The following USH2A variants were observed in gnomAD, a reference collection of about 807,000 sequenced individuals.
USH2A encodes the protein usherin, also known as Usher syndrome 2A (autosomal recessive, mild).
In USH2A, 443 loss-of-function variants were observed where a neutral mutation model predicts 538.9. The observed-to-expected ratio is 0.82, with a 90% CI of 0.76 to 0.89. USH2A has a LOEUF of 0.89. USH2A is among the 40% of genes least tolerant of loss of function. USH2A has a pLI of 0.00. For synonymous variants in USH2A, 2,413 were observed against 2,273.5 expected, an observed-to-expected ratio of 1.06 and a Z score of -1.75; for missense variants, 6,633 against 6,324.8, an observed-to-expected ratio of 1.05 and a Z score of -1.65.
chr1:216,002,723 T>C (rs1176649507), intron 32 of USH2A, among the ~76,000 whole-genome samples: 1 of 152,104 alleles, frequency 6.6e-6, no homozygotes, highest in Admixed American at 6.6e-5. Flanking sequence ...CTTTCTTACA[T>C]TCTACTTTGC....
At chr1:215,855,436 C>T (rs1048047749) in intron 44 of USH2A, among the ~76,000 whole-genome samples, 6 of 152,076 alleles carry the variant, frequency 3.9e-5, no homozygotes, top group Non-Finnish European at 7.4e-5. Context: ...AGGAATCTAC[C>T]TAACCAAGGA....
chr1:216,164,387 A>G (rs956717610), intron 21 of USH2A, among the ~76,000 whole-genome samples: 15 of 152,142 alleles, frequency 9.9e-5, no homozygotes, highest in African/African-American at 3.6e-4. Context: ...CTCTGACTTG[A>G]AAACTATTGA....
intron 21 of USH2A, among the ~76,000 whole-genome samples, chr1:216,162,080 C>A (rs1174007549): frequency 6.6e-6 from 1 of 151,922 alleles, no homozygotes; most frequent in Non-Finnish European, 1.5e-5. Context: ...TATGTGTGAA[C>A]TTATTTTTCA....
At chr1:215,694,270 A>G (rs1443266926) in intron 61 of USH2A, among the ~76,000 whole-genome samples, 1 of 152,176 alleles carries the variant, frequency 6.6e-6, no homozygotes, top group Non-Finnish European at 1.5e-5. Flanking sequence ...TATTTGTTGA[A>G]AACAAGACAT....
At chr1:216,196,459 G>A in intron 19 of USH2A, 94 bp downstream of exon 19, 1 of 1,411,520 alleles carries the variant, frequency 7.1e-7, no homozygotes, top group Non-Finnish European at 1.0e-6. Context: ...CAATATAGAG[G>A]GAGAATTCTG....
At chr1:215,948,935 A>G (rs1358175698) in intron 37 of USH2A, among the ~76,000 whole-genome samples, 1 of 152,114 alleles carries the variant, frequency 6.6e-6, no homozygotes, top group Non-Finnish European at 1.5e-5. Context: ...CAGAACTTGA[A>G]TTACAGCTCT....
chr1:215,811,308 A>C (rs1420905653), intron 49 of USH2A, among the ~76,000 whole-genome samples: 2 of 152,216 alleles, frequency 1.3e-5, no homozygotes, highest in Admixed American at 6.5e-5. Context: ...ATGGCACCAG[A>C]GGCCACATGA....
intron 3 of USH2A, among the ~76,000 whole-genome samples, chr1:216,393,883 T>C (rs571480263): frequency 6.6e-6 from 1 of 152,266 alleles, no homozygotes; most frequent in East Asian, 1.9e-4. Flanking sequence ...GGAAAATATT[T>C]GCAAAACAGA....
chr1:216,258,860 ACTC>A (rs560976865), intron 11 of USH2A, among the ~76,000 whole-genome samples: 3 of 152,182 alleles, frequency 2.0e-5, no homozygotes, highest in African/African-American at 7.2e-5. Flanking sequence ...ACAACTATAA[ACTC>A]AATTTAAGAG....
At chr1:216,386,921 G>A (rs1176107994) in intron 3 of USH2A, among the ~76,000 whole-genome samples, 1 of 152,152 alleles carries the variant, frequency 6.6e-6, no homozygotes, top group African/African-American at 2.4e-5. Flanking sequence ...TTTCAGTGAA[G>A]AGCTTAAGCA....
intron 32 of USH2A, among the ~76,000 whole-genome samples, chr1:216,031,595 A>G (rs1030644057): frequency 6.6e-6 from 1 of 152,190 alleles, no homozygotes; most frequent in Non-Finnish European, 1.5e-5. Context: ...ACAGCTACAC[A>G]GACTCAGTCT....
At chr1:215,704,767 T>A (rs1247104876) in intron 61 of USH2A, among the ~76,000 whole-genome samples, 1 of 152,234 alleles carries the variant, frequency 6.6e-6, no homozygotes, top group Non-Finnish European at 1.5e-5. Context: ...TGTATTTCCA[T>A]CCTTGAAAAT....
At chr1:216,097,735 G>A (rs563941155) in intron 21 of USH2A, among the ~76,000 whole-genome samples, 1 of 152,216 alleles carries the variant, frequency 6.6e-6, no homozygotes, top group East Asian at 1.9e-4. Context: ...AGAATTTTGG[G>A]ATCTTTACTG....
chr1:215,938,243 A>T (rs1666555748), intron 37 of USH2A, among the ~76,000 whole-genome samples: 1 of 152,144 alleles, frequency 6.6e-6, no homozygotes. Flanking sequence ...ATACAGTTCA[A>T]TTCACAGACC....
Position 215,993,291 on chromosome 1 carries a change from A to C in USH2A, c.6658-124T>G. ...TATATAGTGCTACCTTTACTTCCCC[A>C]AAATAAATTCATTTCAGTGTTAAGA... On this transcript the variant is annotated intron_variant, in intron 34 of 71. Coordinates refer to ENST00000307340, the MANE Select transcript of USH2A (RefSeq NM_206933.4). 2.8e-6 allele frequency: 4 copies of C among 1,413,322 alleles called. No homozygotes were observed. The South Asian group carries it at 3.5e-5, about 13-fold the overall frequency. The allele number at this position is 1,413,322 out of a possible 1,614,324, so 87.5% of individuals were successfully genotyped here. A position where few individuals can be genotyped will look rare whatever the true frequency, so the allele number is the denominator to read the frequency against.
chr1:215,707,376 C>T (rs1487226538), intron 61 of USH2A, among the ~76,000 whole-genome samples: 2 of 152,098 alleles, frequency 1.3e-5, no homozygotes, highest in South Asian at 2.1e-4. Flanking sequence ...ACTAGATGTA[C>T]CTTAGGTAAA....
At chr1:215,741,714 A>G (rs780562789) in intron 59 of USH2A, among the ~76,000 whole-genome samples, 177 bp from the exon 60 acceptor site, 23 of 152,200 alleles carry the variant, frequency 1.5e-4, no homozygotes, top group Non-Finnish European at 3.4e-4. Context: ...ATAGAAAATT[A>G]TTTTTGGAAA....
At chr1:215,692,016 C>A (rs1420244421) in intron 61 of USH2A, among the ~76,000 whole-genome samples, 2 of 152,040 alleles carry the variant, frequency 1.3e-5, no homozygotes, top group Non-Finnish European at 2.9e-5. Context: ...GAGACCAGGA[C>A]AATAAAGGGA....
At chr1:215,782,708 G>A in intron 53 of USH2A, 30 bp downstream of exon 53, 1 of 1,605,974 alleles carries the variant, frequency 6.2e-7, no homozygotes, top group Non-Finnish European at 8.5e-7. Context: ...ATGGGATTTT[G>A]TTATTTGTAT....
Sources: allele counts gnomAD v4.1 joint callset (sites outside exome capture counted in the v4.1 genomes callset), GRCh38; gene constraint gnomAD v4.1.1; transcripts MANE v1.5; gene names NCBI Gene and HGNC (gene_info 2026-07-23, HGNC 2026-07-21).